The following MGA variants were observed in gnomAD, a reference collection of about 807,000 sequenced individuals.
MGA encodes the protein MAX gene-associated protein.
In MGA, 40 loss-of-function variants were observed where a neutral mutation model predicts 261.1. The ratio of observed to expected loss-of-function variants is 0.15; its 90% CI spans 0.12 to 0.20. MGA has a LOEUF of 0.20. Among genes scored for constraint, MGA ranks in the 10% least tolerant of loss-of-function variants. The probability of loss-of-function intolerance (pLI) is 1.00; values close to 1 mark genes in which losing one functional copy is unlikely to be tolerated. For synonymous variants in MGA, 1,302 were observed against 1,290.6 expected, an observed-to-expected ratio of 1.01 and a Z score of -0.19; for missense variants, 3,397 against 3,630.5, an observed-to-expected ratio of 0.94 and a Z score of 1.65.
chr15:41,671,783 C>T (rs561208962), intron 2 of MGA, among the ~76,000 whole-genome samples: 1 of 152,250 alleles, frequency 6.6e-6, no homozygotes, highest in African/African-American at 2.4e-5. Context: ...CATGAGTTCC[C>T]CTTGTCTTGT....
At chr15:41,721,679 G>A (rs1439684908) in intron 9 of MGA, among the ~76,000 whole-genome samples, 3 of 152,156 alleles carry the variant, frequency 2.0e-5, no homozygotes, top group Non-Finnish European at 2.9e-5. Context: ...CTGCCAGAAT[G>A]GTTATCATTA....
At chr15:41,665,925 T>C (rs7164209) in intron 1 of MGA, among the ~76,000 whole-genome samples, 1 of 151,852 alleles carries the variant, frequency 6.6e-6, no homozygotes, top group African/African-American at 2.4e-5. Context: ...TATTTTTTAT[T>C]TTTTTAAAGA....
intron 1 of MGA, among the ~76,000 whole-genome samples, chr15:41,624,290 CAG>C (rs976295875): frequency 1.3e-5 from 2 of 151,768 alleles, no homozygotes; most frequent in African/African-American, 2.4e-5. Context: ...CTCTGTCGCC[CAG>C]GCTGGAGTAC....
intron 2 of MGA, 53 bp downstream of exon 2, chr15:41,670,011 A>AG: frequency 2.1e-6 from 3 of 1,428,060 alleles, no homozygotes; most frequent in Non-Finnish European, 2.9e-6. Flanking sequence ...GAGATGGGCC[A>AG]GGTGTTGGAT....
At chr15:41,673,296 C>A (rs1370334532) in intron 2 of MGA, among the ~76,000 whole-genome samples, 1 of 152,016 alleles carries the variant, frequency 6.6e-6, no homozygotes, top group Non-Finnish European at 1.5e-5. Context: ...TGGCTTGCTG[C>A]AACCTCTGCC....
chr15:41,644,354 A>T (rs1002583769), intron 1 of MGA, among the ~76,000 whole-genome samples: 77 of 150,238 alleles, frequency 5.1e-4, no homozygotes, highest in African/African-American at 1.8e-3. Context: ...ACCAAAAAAA[A>T]AAAAAAAAAA....
intron 19 of MGA, 23 bp from the exon 20 acceptor site, chr15:41,760,300 A>T: frequency 6.2e-7 from 1 of 1,610,706 alleles, no homozygotes; most frequent in South Asian, 1.1e-5. Context: ...CAAGATGTTT[A>T]GGAGGCAATC....
At chr15:41,679,998 G>T (rs1174221813) in intron 2 of MGA, among the ~76,000 whole-genome samples, 1 of 152,088 alleles carries the variant, frequency 6.6e-6, no homozygotes, top group South Asian at 2.1e-4. Context: ...ATTGACCGTT[G>T]GGGTTACTCA....
rs779203787 is a variant in MGA at position 41,696,757 on chromosome 15, T to G, written c.1747T>G (p.Leu583Val). 1.1e-5 allele frequency: 18 copies of G among 1,610,436 alleles called. No individual in the cohort carries two copies. The highest frequency in any genetic ancestry group is 1.4e-5 in the Non-Finnish European group (17 of 1,178,330). ...AGACTCACTTTCAGGAAAAGAGGAC[T>G]TGGGCAGAAAGAGAACAACTATGCT... The change falls in exon 3 of 24, where the codon TTG becomes GTG. Residue 583 changes from leucine to valine, a missense_variant. Leu to Val is a conservative substitution (Grantham distance 32). Transcript: ENST00000219905.
At chr15:41,680,976 C>G (rs756209936) in intron 2 of MGA, among the ~76,000 whole-genome samples, 8 of 152,126 alleles carry the variant, frequency 5.3e-5, no homozygotes, top group Non-Finnish European at 1.2e-4. Context: ...AGGGGGTCTA[C>G]TACAGGTCAT....
At position 41,729,432 on chromosome 15, in the gene MGA, AATT is replaced by A. The variant is rs542391080; in HGVS notation, c.3843+86_3843+88del. 442 of 1,337,996 alleles carry A rather than the reference AATT, an allele frequency of 3.3e-4. 1 individual carries two copies. Among genetic ancestry groups the A allele is most frequent in the Non-Finnish European group, 4.3e-4 (418 of 976,230 alleles). The allele number at this position is 1,337,996 out of a possible 1,614,324, so 82.9% of individuals were successfully genotyped here. A position where few individuals can be genotyped will look rare whatever the true frequency, so the allele number is the denominator to read the frequency against. On this transcript the variant is annotated intron_variant, in intron 11 of 23. Transcript: ENST00000219905. Reference sequence around the variant, plus strand: ...AGATTTGTATTACTATCAGAATAATAATTATCCTACAGGGCAGAGAAGTCATAC... The same window carrying A: ...AGATTTGTATTACTATCAGAATAATAATCCTACAGGGCAGAGAAGTCATAC...
rs989518033 is a variant in MGA at position 41,748,648 on chromosome 15, C to G, written c.5224C>G (p.Gln1742Glu). Residue 1742 changes from glutamine to glutamate, a missense_variant, in exon 16 of 24, where the codon CAA becomes GAA. This residue lies in a region of MGA where 1,410 missense variants were observed against 1,386.4 expected (regional missense o/e 1.02). Coordinates refer to ENST00000219905, the MANE Select transcript of MGA (RefSeq NM_001164273.2). Reference sequence around the variant, plus strand: ...TTCCTGTTTTTCAGAAAATGCTGCTCAAATTCCAGTGGCTACTCCACAGGT... The same window carrying G: ...TTCCTGTTTTTCAGAAAATGCTGCTGAAATTCCAGTGGCTACTCCACAGGT... 2 of 1,608,474 alleles carry G rather than the reference C, an allele frequency of 1.2e-6. No homozygotes were observed. The highest frequency in any genetic ancestry group is 1.3e-5 in the African/African-American group (1 of 74,778).
At position 41,755,011 on chromosome 15, in the gene MGA, A is replaced by G. The variant is rs191190825; in HGVS notation, c.7139+444A>G. On this transcript the variant is annotated intron_variant, in intron 18 of 23. Transcript: ENST00000219905. ...TTTCTTTTATCATTTAAGAATAGGC[A>G]TTACATTCTAAATTTGGTTACTTTA... Among the ~76,000 whole-genome samples, 11 of 152,340 alleles carry G rather than the reference A, an allele frequency of 7.2e-5. No homozygotes were observed. The East Asian group carries it at 1.7e-3, about 24-fold the overall frequency.
intron 1 of MGA, among the ~76,000 whole-genome samples, chr15:41,646,611 C>T (rs1007496103): frequency 6.6e-6 from 1 of 151,568 alleles, no homozygotes; most frequent in South Asian, 2.1e-4. Flanking sequence ...GTGTGAGCCA[C>T]TGGAGGGAGA....
chr15:41,628,271 C>T (rs2056504477), intron 1 of MGA, among the ~76,000 whole-genome samples: 1 of 150,532 alleles, frequency 6.6e-6, no homozygotes, highest in Admixed American at 6.7e-5. Flanking sequence ...TGTTCGGGAG[C>T]CTGAGGCATG....
chr15:41,695,999 T>A, intron 2 of MGA, 76 bp from the exon 3 acceptor site: 1 of 1,074,338 alleles, frequency 9.3e-7, no homozygotes, highest in East Asian at 2.4e-5. Flanking sequence ...CTAACATCTT[T>A]TTTTTTTTTT....
chr15:41,702,945 T>G (rs79414731), intron 5 of MGA, among the ~76,000 whole-genome samples: 1 of 136,648 alleles, frequency 7.3e-6, no homozygotes. Flanking sequence ...CTATTTTTTT[T>G]CCCCCCATTC....
rs2062755903 is a variant in MGA, at chr15:41,750,212, T to G, written c.6605T>G (p.Ile2202Ser). ...AAGAAAGAGGCAGACGAGCAGTTAA[T>G]TAAAGAAACAAAGACATGTCAGGAA... Residue 2202 changes from isoleucine to serine, a missense_variant, in exon 17 of 24, where the codon ATT becomes AGT. Physicochemically the swap from Ile to Ser is moderately radical, Grantham distance 142. Around this residue, in one of 9 missense-constraint regions of MGA, gnomAD observed 1,410 missense variants for 1,386.4 expected, o/e 1.02. Coordinates refer to ENST00000219905, the MANE Select transcript of MGA (RefSeq NM_001164273.2). 2 of 1,613,866 alleles carry G rather than the reference T, an allele frequency of 1.2e-6. No individual in the cohort carries two copies. The highest frequency in any genetic ancestry group is 1.7e-6 in the Non-Finnish European group (2 of 1,179,872).
At chr15:41,680,583 T>A (rs998518508) in intron 2 of MGA, among the ~76,000 whole-genome samples, 1 of 152,144 alleles carries the variant, frequency 6.6e-6, no homozygotes, top group African/African-American at 2.4e-5. Flanking sequence ...ACTAATTCAC[T>A]AGACTCATAG....
Sources: allele counts gnomAD v4.1 joint callset (sites outside exome capture counted in the v4.1 genomes callset), GRCh38; gene constraint gnomAD v4.1.1; regional missense constraint gnomAD v4.1.1; transcripts MANE v1.5; gene names NCBI Gene and HGNC (gene_info 2026-07-23, HGNC 2026-07-21).